The following PTPRD variants were observed in gnomAD, a reference collection of about 807,000 sequenced individuals.
PTPRD encodes the protein receptor-type tyrosine-protein phosphatase delta.
In PTPRD, 34 loss-of-function variants were observed where a neutral mutation model predicts 214.5. The ratio of observed to expected loss-of-function variants is 0.16; its 90% confidence interval spans 0.12 to 0.21. The LOEUF is 0.21. Ranked by LOEUF, PTPRD falls within the 10% of genes least tolerant of loss-of-function variation. The probability of loss-of-function intolerance (pLI) is 1.00; values close to 1 mark genes in which losing one functional copy is unlikely to be tolerated. For synonymous variants in PTPRD, 1,128 were observed against 845.7 expected (o/e 1.33, Z -5.79); for missense variants, 2,545 against 2,398.7 (o/e 1.06, Z -1.27).
At chr9:9,258,048 G>C (rs1191783170) in intron 9 of PTPRD, among the ~76,000 whole-genome samples, 2 of 151,642 alleles carry the variant, frequency 1.3e-5, no homozygotes, top group Admixed American at 1.3e-4. Context: ...AGAATTTAAA[G>C]AGTAAGGCAG....
chr9:10,221,912 T>C (rs1405070464), intron 3 of PTPRD, among the ~76,000 whole-genome samples: 1 of 151,982 alleles, frequency 6.6e-6, no homozygotes, highest in Non-Finnish European at 1.5e-5. Flanking sequence ...ATTTTTACAA[T>C]TATTAAACTT....
intron 7 of PTPRD, among the ~76,000 whole-genome samples, chr9:9,629,500 T>C (rs1190091673): frequency 1.3e-5 from 2 of 152,118 alleles, no homozygotes; most frequent in Admixed American, 1.3e-4. Context: ...TTTGGGGATA[T>C]TTTTAGACTT....
chr9:9,063,490 T>C (rs2099711804), intron 10 of PTPRD, among the ~76,000 whole-genome samples: 1 of 152,156 alleles, frequency 6.6e-6, no homozygotes, highest in South Asian at 2.1e-4. Context: ...AGTACTGTAG[T>C]ATGTAATCTT....
In PTPRD at chr9:9,737,721, T is replaced by A. The variant is rs144136799; in HGVS notation, c.-325-3150A>T. Among the ~76,000 whole-genome samples, 184 of 152,334 alleles carry A rather than the reference T, an allele frequency of 1.2e-3. 1 individual carries two copies. Among genetic ancestry groups the A allele is most frequent in the African/African-American group, 4.1e-3 (171 of 41,566 alleles). On this transcript the variant is annotated intron_variant, in intron 6 of 45. Transcript: ENST00000381196. ...TATTTCATCGAATGGATATACCACA[T>A]ATTGTTTATTCACTAGCCGAAGGAC...
At chr9:9,898,601 A>C (rs1218210611) in intron 5 of PTPRD, among the ~76,000 whole-genome samples, 1 of 152,124 alleles carries the variant, frequency 6.6e-6, no homozygotes, top group Admixed American at 6.6e-5. Context: ...GAAGTCACAA[A>C]AAGATTCTTT....
intron 11 of PTPRD, among the ~76,000 whole-genome samples, chr9:8,794,296 G>T (rs1160668788): frequency 6.6e-6 from 1 of 152,158 alleles, no homozygotes; most frequent in African/African-American, 2.4e-5. Context: ...GCAGAAAGGG[G>T]ATGCAACTGA....
chr9:10,600,318 A>G (rs2077641040), intron 2 of PTPRD, among the ~76,000 whole-genome samples: 1 of 151,762 alleles, frequency 6.6e-6, no homozygotes, highest in Non-Finnish European at 1.5e-5. Flanking sequence ...AAATCATATC[A>G]TATACACTCT....
chr9:9,484,349 C>G (rs1367132336), intron 8 of PTPRD, among the ~76,000 whole-genome samples: 1 of 151,868 alleles, frequency 6.6e-6, no homozygotes, highest in Non-Finnish European at 1.5e-5. Context: ...CAAGAATAGA[C>G]ATGGTAATAG....
intron 10 of PTPRD, among the ~76,000 whole-genome samples, chr9:9,096,373 A>G (rs2099783529): frequency 6.6e-6 from 1 of 152,204 alleles, no homozygotes; most frequent in Non-Finnish European, 1.5e-5. Flanking sequence ...CAAACAAACA[A>G]AAGTCCCCAA....
rs2095823629 is a variant in PTPRD, at chr9:9,989,067, A to G, written c.-472+44651T>C. ...AAAACCACAGACTTTACACAGTTGCACCCAAAGAGTTGCTCTGGGGAGGAG... is the reference window on the plus strand; with the variant it reads ...AAAACCACAGACTTTACACAGTTGCGCCCAAAGAGTTGCTCTGGGGAGGAG... On this transcript the variant is annotated intron_variant, in intron 4 of 45. Transcript: ENST00000381196. Among the ~76,000 whole-genome samples, 4 of 146,026 alleles carry G rather than the reference A, an allele frequency of 2.7e-5. No individual in the cohort carries two copies. The South Asian group carries it at 8.8e-4, about 32-fold the overall frequency.
At chr9:10,052,556 A>G (rs1171897964) in intron 3 of PTPRD, among the ~76,000 whole-genome samples, 2 of 152,118 alleles carry the variant, frequency 1.3e-5, no homozygotes, top group African/African-American at 4.8e-5. Context: ...AAAACTGGGT[A>G]TTTTTCACAC....
At chr9:9,395,730 T>C (rs2067540907) in intron 9 of PTPRD, among the ~76,000 whole-genome samples, 1 of 151,992 alleles carries the variant, frequency 6.6e-6, no homozygotes, top group Non-Finnish European at 1.5e-5. Flanking sequence ...GCTGAACAAA[T>C]AGACTGGAAA....
rs1829203466 is a variant in PTPRD at position 8,322,319 on chromosome 9, T to G, written c.5535-2353A>C. On this transcript the variant is annotated intron_variant, in intron 44 of 45. Coordinates refer to ENST00000381196, the MANE Select transcript of PTPRD (RefSeq NM_002839.4). ...AATAATTAAGCTTAAAGCCCAGATG[T>G]GCTGAAAGCTAGGCCTCTCGCACCA... is the stretch of plus-strand genomic sequence containing the variant. Among the ~76,000 whole-genome samples the G allele has an allele frequency of 3.3e-5, 5 of 152,162 alleles. No homozygotes were observed. In the South Asian group the frequency reaches 1.0e-3, roughly 31 times the overall value.
chr9:10,362,744 G>A (rs1247587461), intron 2 of PTPRD, among the ~76,000 whole-genome samples: 1 of 152,090 alleles, frequency 6.6e-6, no homozygotes, highest in African/African-American at 2.4e-5. Context: ...GCCAGGCATG[G>A]TGTCACGTGC....
chr9:9,414,315 C>T (rs529948775), intron 8 of PTPRD, among the ~76,000 whole-genome samples: 1 of 152,234 alleles, frequency 6.6e-6, no homozygotes, highest in African/African-American at 2.4e-5. Context: ...CTTTCTTTTC[C>T]TTCATAAAAG....
intron 33 of PTPRD, among the ~76,000 whole-genome samples, chr9:8,453,859 T>C (rs1177004595): frequency 1.3e-5 from 2 of 152,164 alleles, no homozygotes; most frequent in Admixed American, 6.5e-5. Context: ...GGCCACTCAA[T>C]GGAAACCACT....
chr9:8,482,160 G>A (rs1401003133), intron 30 of PTPRD, among the ~76,000 whole-genome samples: 3 of 152,074 alleles, frequency 2.0e-5, no homozygotes, highest in African/African-American at 4.8e-5. Flanking sequence ...TACACACAAC[G>A]TTAAACTCAT....
chr9:10,280,830 G>T (rs1267403264), intron 3 of PTPRD, among the ~76,000 whole-genome samples: 2 of 151,764 alleles, frequency 1.3e-5, no homozygotes, highest in Non-Finnish European at 2.9e-5. Flanking sequence ...GTCCAGGCTG[G>T]TCTTGAACTC....
At chr9:10,037,582 A>G (rs1230226642) in intron 3 of PTPRD, among the ~76,000 whole-genome samples, 10 of 111,204 alleles carry the variant, frequency 9.0e-5, no homozygotes, top group African/African-American at 5.4e-4. Flanking sequence ...TAGCAGTGGA[A>G]AAAAAAAAAA....
Sources: allele counts gnomAD v4.1 joint callset (sites outside exome capture counted in the v4.1 genomes callset), GRCh38; gene constraint gnomAD v4.1.1; transcripts MANE v1.5; gene names NCBI Gene and HGNC (gene_info 2026-07-23, HGNC 2026-07-21).